Variants in CBY2 observed in about 807,000 individuals in gnomAD.
CBY2 encodes protein chibby homolog 2.
A neutral mutation model predicts 25.3 loss-of-function variants in CBY2; 23 were observed. The observed-to-expected ratio is 0.91, with a 90% CI of 0.65 to 1.29. CBY2 has a LOEUF of 1.29. Among genes scored for constraint, CBY2 ranks in the 50% most tolerant of loss-of-function variants. The probability of loss-of-function intolerance (pLI) is 0.00; values close to 1 mark genes in which losing one functional copy is unlikely to be tolerated. For missense variants in CBY2, 642 were observed against 590.7 expected, an observed-to-expected ratio of 1.09 and a Z score of -0.90; for synonymous variants, 279 against 260.2, an observed-to-expected ratio of 1.07 and a Z score of -0.70.
intron 2 of CBY2, among the ~76,000 whole-genome samples, chr13:45,707,049 G>A (rs949262533): frequency 1.3e-5 from 2 of 152,154 alleles, no homozygotes; most frequent in Non-Finnish European, 2.9e-5. Flanking sequence ...GCAACCCCAG[G>A]AAGTAGGCAG....
At position 45,714,406 on chromosome 13, in the gene CBY2, G is replaced by A. The variant is rs775541767; in HGVS notation, c.*34G>A. ...CCTTGCACCGGGACGCCGAGTTTGG[G>A]ACACCGAACACTGGGCAAAAGAGAA... On this transcript the variant is annotated 3_prime_UTR_variant, in exon 3 of 3. Transcript: ENST00000310521. 4 of 1,512,966 alleles carry A rather than the reference G, an allele frequency of 2.6e-6. No homozygotes were observed. The highest frequency in any genetic ancestry group is 4.7e-5 in the East Asian group (2 of 42,174). The allele number at this position is 1,512,966 out of a possible 1,614,324, so 93.7% of individuals were successfully genotyped here. A position where few individuals can be genotyped will look rare whatever the true frequency, so the allele number is the denominator to read the frequency against.
chr13:45,714,388 C>A lies in CBY2; in HGVS notation c.*16C>A. On this transcript the variant is annotated 3_prime_UTR_variant, in exon 3 of 3. Transcript: ENST00000310521. The stretch of plus-strand genomic sequence containing the variant: ...CAGGGTCTGAGGCCTCGGCCTTGCA[C>A]CGGGACGCCGAGTTTGGGACACCGA... 1 of 1,554,402 alleles carries A rather than the reference C, an allele frequency of 6.4e-7. No individual in the cohort carries two copies. Among genetic ancestry groups the A allele is most frequent in the Non-Finnish European group, 8.7e-7 (1 of 1,148,202 alleles).
intron 2 of CBY2, chr13:45,703,679 G>T: frequency 8.5e-7 from 1 of 1,181,914 alleles, no homozygotes. Flanking sequence ...TAACAATCTA[G>T]GCAAGTATGT....
chr13:45,711,421 T>C (rs1044135632), intron 2 of CBY2, among the ~76,000 whole-genome samples: 1 of 152,194 alleles, frequency 6.6e-6, no homozygotes, highest in African/African-American at 2.4e-5. Flanking sequence ...TCCCTCTTTT[T>C]CACTCGTGAA....
intron 2 of CBY2, among the ~76,000 whole-genome samples, chr13:45,707,237 G>C (rs959126384): frequency 2.0e-5 from 3 of 152,120 alleles, no homozygotes; most frequent in African/African-American, 7.2e-5. Context: ...TGTGTGCAGG[G>C]GGTGGTGGGA....
Position 45,714,014 on chromosome 13 carries a change from T to A in CBY2, c.989T>A (p.Met330Lys). 1 of 1,487,374 alleles carries A rather than the reference T, an allele frequency of 6.7e-7. No individual in the cohort carries two copies. Among genetic ancestry groups the A allele is most frequent in the Non-Finnish European group, 8.9e-7 (1 of 1,118,644 alleles). 92.1% of individuals were successfully genotyped at this position (1,487,374 alleles called of 1,614,324 possible). Reference sequence around the variant, plus strand: ...AAGGAGCTGCGCGCCCTGCGGAAGATGGTCAGCAACATGTCCGGGCCCTCC... The same window carrying A: ...AAGGAGCTGCGCGCCCTGCGGAAGAAGGTCAGCAACATGTCCGGGCCCTCC... Reference protein sequence around the residue: ...DSKELRALRKMVSNMSGPSGE... With the variant: ...DSKELRALRKKVSNMSGPSGE... The change falls in exon 3 of 3, where the codon ATG (methionine) becomes AAG (lysine). Residue 330 changes from methionine (M) to lysine (K), a missense_variant. Met to Lys is a moderately conservative substitution (Grantham distance 95). Transcript: ENST00000310521.
At chr13:45,702,560 C>T in intron 1 of CBY2, 95 bp downstream of exon 1, 1 of 1,082,590 alleles carries the variant, frequency 9.2e-7, no homozygotes, top group South Asian at 1.3e-5. Context: ...CCTTTTACAT[C>T]AACTATAATA....
rs1411246538 is a variant in CBY2 at position 45,714,201 on chromosome 13, C to T, written c.1176C>T (p.Gly392=). The change falls in exon 3 of 3, where the codon GGC becomes GGT. Residue 392 remains glycine, a synonymous_variant. Coordinates refer to ENST00000310521, the MANE Select transcript of CBY2 (RefSeq NM_152719.3). ...AGGTGCTACGGGCAGAGCACAGGGGCTTCCAGGAGGAGAACAAGGCCCTGT... is the reference window on the plus strand; with the variant it reads ...AGGTGCTACGGGCAGAGCACAGGGGTTTCCAGGAGGAGAACAAGGCCCTGT... The part of the protein sequence containing the change: ...TLQVLRAEHR[G]FQEENKALWE... 3 of 1,611,458 alleles carry T rather than the reference C, an allele frequency of 1.9e-6. No homozygotes were observed. Among genetic ancestry groups the T allele is most frequent in the South Asian group, 2.2e-5 (2 of 90,492 alleles).
Position 45,713,676 on chromosome 13 carries a change from A to C in CBY2, c.651A>C (p.Pro217=), listed in dbSNP as rs377413173. ...GAGAGGAGAGCCGGGCCCCCTCGCC[A>C]CTGCTGCACAAAGACAGCGCGTCCC... ...LGREESRAPS[P]LLHKDSASLE... is the part of the protein sequence containing the mutation. Residue 217 remains proline, a synonymous_variant, in exon 3 of 3, where the codon CCA becomes CCC. Coordinates refer to ENST00000310521, the MANE Select transcript of CBY2 (RefSeq NM_152719.3). This position sits in a 1 kb window ranked among gnomAD's most constrained non-coding sequence, Gnocchi z 5.0. 4.5e-5 allele frequency: 73 copies of C among 1,612,746 alleles called. No homozygotes were observed. The highest frequency in any genetic ancestry group is 5.8e-5 in the Non-Finnish European group (68 of 1,179,956).
chr13:45,703,856 G>T (rs985012528), intron 2 of CBY2, among the ~76,000 whole-genome samples: 7 of 152,168 alleles, frequency 4.6e-5, no homozygotes, highest in East Asian at 3.9e-4. Flanking sequence ...ATAACAAGCT[G>T]TAGGAATCTT....
rs1445723959 is a variant in CBY2, at chr13:45,713,412, G to C, written c.387G>C (p.Val129=). 9 of 1,614,214 alleles carry C rather than the reference G, an allele frequency of 5.6e-6. No individual in the cohort carries two copies. Among genetic ancestry groups the C allele is most frequent in the Non-Finnish European group, 7.6e-6 (9 of 1,180,040 alleles). Residue 129 remains valine, a synonymous_variant, in exon 3 of 3, where the codon GTG becomes GTC. Coordinates refer to ENST00000310521, the MANE Select transcript of CBY2 (RefSeq NM_152719.3). This position sits in a 1 kb window ranked among gnomAD's most constrained non-coding sequence, Gnocchi z 5.0. ...PRVQLSDEMF[V]FQDGRWVNEN... ...TGCAGCTCAGCGACGAGATGTTCGT[G>C]TTCCAGGACGGGCGCTGGGTAAATG... is the stretch of plus-strand genomic sequence containing the variant.
intron 2 of CBY2, among the ~76,000 whole-genome samples, chr13:45,712,064 G>T (rs575877088): frequency 3.9e-5 from 6 of 152,208 alleles, no homozygotes; most frequent in Non-Finnish European, 7.3e-5. Context: ...GCTGACCAAC[G>T]GCACCGCCAT....
chr13:45,711,375 A>G (rs1303265784), intron 2 of CBY2, among the ~76,000 whole-genome samples: 1 of 152,138 alleles, frequency 6.6e-6, no homozygotes, highest in Non-Finnish European at 1.5e-5. Flanking sequence ...TGACTTTTCA[A>G]TGTTGGAAGG....
chr13:45,714,001 G>C lies in CBY2; in HGVS notation c.976G>C (p.Ala326Pro), dbSNP rs540448583. ...GCAGGAGGACTCCAAGGAGCTGCGC[G>C]CCCTGCGGAAGATGGTCAGCAACAT... Reference protein sequence around the residue: ...ARQEDSKELRALRKMVSNMSG... With the variant: ...ARQEDSKELRPLRKMVSNMSG... Residue 326 changes from alanine (A) to proline (P), a missense_variant, in exon 3 of 3, where the codon GCC becomes CCC. Transcript: ENST00000310521. 4.0e-6 allele frequency: 6 copies of C among 1,495,648 alleles called. No homozygotes were observed. Among genetic ancestry groups the C allele is most frequent in the Non-Finnish European group, 4.4e-6 (5 of 1,124,078 alleles). 92.6% of individuals were successfully genotyped at this position (1,495,648 alleles called of 1,614,324 possible).
In CBY2 at chr13:45,714,353, A is replaced by G. The variant is rs758833479; in HGVS notation, c.1328A>G (p.Lys443Arg). 3.1e-6 allele frequency: 5 copies of G among 1,608,480 alleles called. No homozygotes were observed. In the Admixed American group the frequency reaches 5.0e-5, roughly 16 times the overall value. ...ATGCCGGCCAGGAGCCAGGACCCCAAGAAGCCTAGCAGGGTCTGAGGCCTC... is the reference window on the plus strand; with the variant it reads ...ATGCCGGCCAGGAGCCAGGACCCCAGGAAGCCTAGCAGGGTCTGAGGCCTC... ...AFMPARSQDP[K>R]KPSRV The change falls in exon 3 of 3, where the codon AAG (lysine) becomes AGG (arginine). Residue 443 changes from lysine to arginine, a missense_variant. Physicochemically the swap from Lys to Arg is conservative, Grantham distance 26 (BLOSUM62 2). Coordinates refer to ENST00000310521, the MANE Select transcript of CBY2 (RefSeq NM_152719.3).
In CBY2 at chr13:45,713,531, AGGAGGAGAACAAGTCTCTGCG is replaced by A. The variant is rs774303425; in HGVS notation, c.520_540del (p.Ser174_Lys180del). 20 of 1,614,020 alleles carry A rather than the reference AGGAGGAGAACAAGTCTCTGCG, an allele frequency of 1.2e-5. No homozygotes were observed. Among genetic ancestry groups the A allele is most frequent in the African/African-American group, 1.2e-4 (9 of 74,936 alleles). ...AGGCTGGCCAAGGAGTGCATGCTGC[AGGAGGAGAACAAGTCTCTGCG>A]GGAGGAGAACAAGGCCCTGCGCGAG... is the stretch of plus-strand genomic sequence containing the variant. On this transcript the variant is annotated inframe_deletion, in exon 3 of 3. Coordinates refer to ENST00000310521, the MANE Select transcript of CBY2 (RefSeq NM_152719.3). This position sits in a 1 kb window ranked among gnomAD's most constrained non-coding sequence, Gnocchi z 5.0.
chr13:45,713,856 T>C lies in CBY2; in HGVS notation c.831T>C (p.Pro277=). The part of the protein sequence containing the change: ...YWAQAEDTAA[P]AEESKPAPSP... ...CGCAGGCAGAGGACACGGCCGCCCC[T>C]GCCGAGGAAAGCAAGCCCGCCCCCT... The change falls in exon 3 of 3, where the codon CCT becomes CCC. Residue 277 remains proline (P), a synonymous_variant. Coordinates refer to ENST00000310521, the MANE Select transcript of CBY2 (RefSeq NM_152719.3). The surrounding 1 kb of genome is among the most constrained non-coding windows in gnomAD (Gnocchi z 5.0). 1 of 1,517,174 alleles carries C rather than the reference T, an allele frequency of 6.6e-7. No homozygotes were observed. The highest frequency in any genetic ancestry group is 8.8e-7 in the Non-Finnish European group (1 of 1,134,750). The allele number at this position is 1,517,174 out of a possible 1,614,324, so 94.0% of individuals were successfully genotyped here. A position where few individuals can be genotyped will look rare whatever the true frequency, so the allele number is the denominator to read the frequency against.
rs139190091 is a variant in CBY2 at position 45,713,643 on chromosome 13, G to A, written c.618G>A (p.Ser206=). The change falls in exon 3 of 3, where the codon TCG becomes TCA. Residue 206 remains serine (S), a synonymous_variant. Coordinates refer to ENST00000310521, the MANE Select transcript of CBY2 (RefSeq NM_152719.3). This position sits in a 1 kb window ranked among gnomAD's most constrained non-coding sequence, Gnocchi z 5.0. Reference sequence around the variant, plus strand: ...TCTTCTGGGAGGAGCACAAGGCCTCGCTGGGCCGAGAGGAGAGCCGGGCCC... The same window carrying A: ...TCTTCTGGGAGGAGCACAAGGCCTCACTGGGCCGAGAGGAGAGCCGGGCCC... ...LQVFWEEHKA[S]LGREESRAPS... 1.9e-6 allele frequency: 3 copies of A among 1,613,460 alleles called. No homozygotes were observed. The highest frequency in any genetic ancestry group is 1.3e-5 in the African/African-American group (1 of 75,012).
intron 2 of CBY2, among the ~76,000 whole-genome samples, chr13:45,712,647 CT>C (rs1219599277): frequency 2.6e-5 from 4 of 152,092 alleles, no homozygotes; most frequent in Non-Finnish European, 5.9e-5. Context: ...TCTAGTGCCA[CT>C]TTTTTTGTTT....
Sources: gnomAD v4.1 joint callset for allele counts (sites outside exome capture counted in the v4.1 genomes callset) on GRCh38, gnomAD v4.1.1 for gene constraint, Gnocchi (gnomAD v3.1) non-coding constraint, MANE v1.5 for transcripts, NCBI Gene and HGNC (gene_info 2026-07-23, HGNC 2026-07-21) for gene names.